The following RYR2 variants were observed in gnomAD, a reference collection of about 807,000 sequenced individuals.
RYR2 encodes cardiac muscle ryanodine receptor-calcium release channel.
RYR2 carries 227 observed loss-of-function variants against 601.1 expected under a neutral mutation model. That is an observed-to-expected ratio of 0.38 (90% CI 0.34 to 0.42). The LOEUF is 0.42. RYR2 is among the 10% of genes least tolerant of loss of function. RYR2 has a pLI of 1.00. For synonymous variants in RYR2, 2,223 were observed against 2,175.1 expected, an observed-to-expected ratio of 1.02 and a Z score of -0.61; for missense variants, 4,646 against 6,156.5, an observed-to-expected ratio of 0.75 and a Z score of 8.21.
At position 237,707,128 on chromosome 1, in the gene RYR2, C is replaced by T; in HGVS notation, c.9760C>T (p.Pro3254Ser). 6.2e-7 allele frequency: 1 copy of T among 1,613,820 alleles called. No individual in the cohort carries two copies. The highest frequency in any genetic ancestry group is 8.5e-7 in the Non-Finnish European group (1 of 1,179,852). ...SYMSRWWEHG[P>S]ENNPERAEMC... ...CATGTCTCGTTGGTGGGAGCATGGA[C>T]CTGAGAACAATCCAGAACGGGCCGA... The change falls in exon 68 of 105, where the codon CCT (proline) becomes TCT (serine). Residue 3254 changes from proline (P) to serine (S), a missense_variant. By Grantham distance (74) the Pro-to-Ser change is moderately conservative. Coordinates refer to ENST00000366574, the MANE Select transcript of RYR2 (RefSeq NM_001035.3).
rs1441625804 is a variant in RYR2 at position 237,075,296 on chromosome 1, C to T, written c.48+32727C>T. 2.6e-5 allele frequency among the ~76,000 whole-genome samples: 4 copies of T among 151,918 alleles called. No homozygotes were observed. In the East Asian group the frequency reaches 5.8e-4, roughly 22 times the overall value. The stretch of plus-strand genomic sequence containing the variant: ...AGCCAAGATGGCCGAATAGGAACAG[C>T]TCCGGTCTACAGCTCCCAGCGTGAG... On this transcript the variant is annotated intron_variant, in intron 1 of 104. Coordinates refer to ENST00000366574, the MANE Select transcript of RYR2 (RefSeq NM_001035.3).
intron 1 of RYR2, among the ~76,000 whole-genome samples, chr1:237,215,637 A>G (rs1256729950): frequency 6.6e-6 from 1 of 152,194 alleles, no homozygotes; most frequent in Non-Finnish European, 1.5e-5. Context: ...GAAGACCAGC[A>G]GAAAAAGGTT....
intron 79 of RYR2, among the ~76,000 whole-genome samples, chr1:237,735,609 C>T (rs1376859338): frequency 6.6e-6 from 1 of 152,132 alleles, no homozygotes; most frequent in African/African-American, 2.4e-5. Context: ...CCGGTACAGT[C>T]ATCTCTCAGT....
chr1:237,521,964 T>G (rs1390276279), intron 24 of RYR2, among the ~76,000 whole-genome samples: 1 of 152,096 alleles, frequency 6.6e-6, no homozygotes, highest in African/African-American at 2.4e-5. Context: ...CGTCCTCTTC[T>G]TGGAATGCTC....
At chr1:237,151,891 G>A (rs1674741612) in intron 1 of RYR2, among the ~76,000 whole-genome samples, 1 of 152,088 alleles carries the variant, frequency 6.6e-6, no homozygotes, top group Admixed American at 6.6e-5. Context: ...TGCAGAATGT[G>A]CAGGTTTGTT....
At chr1:237,659,460 A>C (rs1229333236) in intron 54 of RYR2, among the ~76,000 whole-genome samples, 1 of 152,196 alleles carries the variant, frequency 6.6e-6, no homozygotes, top group Non-Finnish European at 1.5e-5. Context: ...ATGTGTTGAG[A>C]GAAAATTTGA....
chr1:237,482,579 T>TTC (rs1439373696), intron 17 of RYR2, among the ~76,000 whole-genome samples: 1 of 152,188 alleles, frequency 6.6e-6, no homozygotes, highest in Non-Finnish European at 1.5e-5. Context: ...GTGTATATAC[T>TTC]GATTTTCTTT....
At chr1:237,559,918 C>A (rs940507542) in intron 27 of RYR2, among the ~76,000 whole-genome samples, 1 of 152,316 alleles carries the variant, frequency 6.6e-6, no homozygotes, top group East Asian at 1.9e-4. Flanking sequence ...TCATTAGCTT[C>A]ATGGTCAGCT....
chr1:237,726,170 GT>G, intron 74 of RYR2, 102 bp from the exon 75 acceptor site: 2 of 817,998 alleles, frequency 2.4e-6, no homozygotes, highest in South Asian at 3.4e-5. Flanking sequence ...CATTTTAAAT[GT>G]TTACTTCAGA....
intron 19 of RYR2, among the ~76,000 whole-genome samples, chr1:237,494,328 G>C (rs775782622): frequency 2.0e-5 from 3 of 152,256 alleles, no homozygotes; most frequent in Non-Finnish European, 4.4e-5. Context: ...GAGTCCAAAA[G>C]CTGAAGAACT....
intron 1 of RYR2, among the ~76,000 whole-genome samples, chr1:237,218,713 T>G (rs1045722397): frequency 6.6e-6 from 1 of 152,092 alleles, no homozygotes; most frequent in Non-Finnish European, 1.5e-5. Context: ...AGAGGGGAGT[T>G]ATCACAAAGC....
intron 4 of RYR2, 127 bp downstream of exon 4, chr1:237,356,112 G>A: frequency 1.3e-6 from 1 of 783,860 alleles, no homozygotes; most frequent in Non-Finnish European, 2.1e-6. Context: ...CTGCTTCGTT[G>A]TAATGAACAC....
intron 27 of RYR2, among the ~76,000 whole-genome samples, chr1:237,559,236 T>TC (rs1671212887): frequency 1.3e-5 from 2 of 152,150 alleles, no homozygotes; most frequent in South Asian, 4.1e-4. Flanking sequence ...GATTAAAATG[T>TC]CCAAATGTTG....
intron 77 of RYR2, 61 bp downstream of exon 77, chr1:237,730,417 C>T (rs1009723859): frequency 2.4e-5 from 21 of 870,738 alleles, no homozygotes; most frequent in Non-Finnish European, 3.7e-5. Context: ...GCAATGTTGG[C>T]GTGAGCAGTC....
rs1704425765 is a variant in RYR2 at position 237,411,273 on chromosome 1, G to C, written c.774-5776G>C. On this transcript the variant is annotated intron_variant, in intron 10 of 104. Transcript: ENST00000366574. ...ACCCATAGAAACAGTATAAAATAAT[G>C]TGTTTATTATTTTTTTAAAAAAAGA... Among the ~76,000 whole-genome samples, 3 of 152,054 alleles carry C rather than the reference G, an allele frequency of 2.0e-5. No individual in the cohort carries two copies. In the South Asian group the frequency reaches 6.2e-4, roughly 32 times the overall value.
chr1:237,489,102 A>G (rs1446615635), intron 17 of RYR2, among the ~76,000 whole-genome samples: 1 of 152,176 alleles, frequency 6.6e-6, no homozygotes, highest in Non-Finnish European at 1.5e-5. Flanking sequence ...ATAAAATTTT[A>G]TTTATAAAAA....
intron 74 of RYR2, among the ~76,000 whole-genome samples, chr1:237,723,597 T>TA (rs2149127192): frequency 6.6e-6 from 1 of 152,300 alleles, no homozygotes; most frequent in South Asian, 2.1e-4. Context: ...ACTTTATGCA[T>TA]ACTTCATTTT....
At chr1:237,459,201 A>G (rs940671478) in intron 16 of RYR2, among the ~76,000 whole-genome samples, 16 of 152,226 alleles carry the variant, frequency 1.1e-4, no homozygotes, top group African/African-American at 3.6e-4. Flanking sequence ...TTCACTTGGT[A>G]TAAGATGAAT....
At chr1:237,746,755 C>A (rs369503721) in intron 80 of RYR2, among the ~76,000 whole-genome samples, 2 of 151,764 alleles carry the variant, frequency 1.3e-5, no homozygotes, top group South Asian at 2.1e-4. Flanking sequence ...TATAAAGAGG[C>A]CGATGTTAAT....
Sources: allele counts gnomAD v4.1 joint callset (sites outside exome capture counted in the v4.1 genomes callset), GRCh38; gene constraint gnomAD v4.1.1; transcripts MANE v1.5; gene names NCBI Gene and HGNC (gene_info 2026-07-23, HGNC 2026-07-21).